TBCK: variants seen among roughly 807,000 people sequenced by gnomAD.
TBCK encodes TBC domain-containing protein kinase-like protein.
In TBCK, 99 loss-of-function variants were observed where a neutral mutation model predicts 113.4. The observed-to-expected ratio is 0.87, with a 90% CI of 0.74 to 1.03. TBCK has a LOEUF of 1.03. TBCK is among the 50% of genes least tolerant of loss of function. The pLI, the probability that TBCK is intolerant of heterozygous loss-of-function variation, is 0.00. For synonymous variants in TBCK, 369 were observed against 370.8 expected (o/e 1.00, Z 0.05); for missense variants, 1,045 against 1,061.3 (o/e 0.98, Z 0.21).
At chr4:106,066,472 G>T (rs962355125) in intron 25 of TBCK, among the ~76,000 whole-genome samples, 13 of 151,532 alleles carry the variant, frequency 8.6e-5, no homozygotes, top group African/African-American at 3.1e-4. Context: ...GTGATATTAG[G>T]GTAGCCTGAA....
At chr4:106,164,244 G>T (rs950729705) in intron 23 of TBCK, 1 of 151,914 alleles carries the variant, frequency 6.6e-6, no homozygotes, top group African/African-American at 2.4e-5. Flanking sequence ...AAAAAGAACA[G>T]ATGCAAAGCT....
chr4:106,289,793 A>G (rs2125824254), intron 3 of TBCK, among the ~76,000 whole-genome samples: 1 of 151,144 alleles, frequency 6.6e-6, no homozygotes, highest in East Asian at 1.9e-4. Flanking sequence ...AAAAAAAAAG[A>G]CGATTGATGT....
chr4:106,079,323 G>A (rs1738592023), intron 25 of TBCK, among the ~76,000 whole-genome samples: 2 of 152,130 alleles, frequency 1.3e-5, no homozygotes, highest in African/African-American at 4.8e-5. Context: ...GTCTTAGCCA[G>A]GGCAATCAGG....
At chr4:106,313,452 C>T (rs1325787353) in intron 1 of TBCK, among the ~76,000 whole-genome samples, 2 of 152,044 alleles carry the variant, frequency 1.3e-5, no homozygotes, top group East Asian at 3.9e-4. Context: ...TATATACAGC[C>T]AAATTATCAG....
chr4:106,140,165 G>C lies in TBCK; in HGVS notation c.2236-23787C>G, dbSNP rs900485377. On this transcript the variant is annotated intron_variant, in intron 23 of 25. Coordinates refer to ENST00000394708, the MANE Select transcript of TBCK (RefSeq NM_001163435.3). ...TAATATGCAATAAAAGGTAATCTAA[G>C]ACAAGAAAAAGTATTTGATAAATGG... Among the ~76,000 whole-genome samples the C allele has an allele frequency of 7.8e-5, 11 of 140,528 alleles. 2 individuals carry two copies. The highest frequency in any genetic ancestry group is 1.5e-4 in the Non-Finnish European group (9 of 61,812). The allele number at this position is 140,528 out of a possible 152,430, so 92.2% of individuals were successfully genotyped here. A position where few individuals can be genotyped will look rare whatever the true frequency, so the allele number is the denominator to read the frequency against.
chr4:106,281,168 T>A (rs1393390082), intron 3 of TBCK, among the ~76,000 whole-genome samples: 2 of 152,126 alleles, frequency 1.3e-5, no homozygotes, highest in Non-Finnish European at 2.9e-5. Flanking sequence ...ATTTTATTTG[T>A]AGCTATTATA....
intron 3 of TBCK, among the ~76,000 whole-genome samples, chr4:106,294,278 C>T (rs929977075): frequency 6.6e-6 from 1 of 151,844 alleles, no homozygotes; most frequent in African/African-American, 2.4e-5. Flanking sequence ...CAACCTCCGC[C>T]CCGCGGGTTC....
intron 25 of TBCK, among the ~76,000 whole-genome samples, chr4:106,053,629 C>T (rs936483053): frequency 1.3e-5 from 2 of 151,802 alleles, no homozygotes; most frequent in Non-Finnish European, 3.0e-5. Context: ...CCTATCTATA[C>T]ACTGATGACT....
At chr4:106,117,024 C>T (rs1743598279) in intron 23 of TBCK, among the ~76,000 whole-genome samples, 1 of 152,092 alleles carries the variant, frequency 6.6e-6, no homozygotes, top group Non-Finnish European at 1.5e-5. Flanking sequence ...TCTAGGAAAC[C>T]AGTCCCTGGT....
intron 25 of TBCK, among the ~76,000 whole-genome samples, chr4:106,063,168 A>G (rs888727479): frequency 9.2e-5 from 14 of 151,990 alleles, no homozygotes; most frequent in African/African-American, 3.1e-4. Context: ...ATATAAACCT[A>G]CAGACTAAAA....
chr4:106,273,471 T>C (rs1763713083), intron 3 of TBCK, among the ~76,000 whole-genome samples: 1 of 152,250 alleles, frequency 6.6e-6, no homozygotes, highest in Admixed American at 6.5e-5. Context: ...ATTTGCTGGT[T>C]AGCTTGTCTG....
At chr4:106,214,808 A>G (rs1343133567) in intron 19 of TBCK, among the ~76,000 whole-genome samples, 11 of 151,852 alleles carry the variant, frequency 7.2e-5, no homozygotes, top group Non-Finnish European at 1.6e-4. Context: ...ATTATCCAGG[A>G]GAATTTCCCC....
At chr4:106,137,021 C>T (rs149416870) in intron 23 of TBCK, among the ~76,000 whole-genome samples, 1 of 140,596 alleles carries the variant, frequency 7.1e-6, no homozygotes, top group African/African-American at 2.5e-5. Context: ...AAGATATTAA[C>T]AGTGACAGAT....
intron 25 of TBCK, among the ~76,000 whole-genome samples, chr4:106,078,218 C>T (rs531731700): frequency 6.6e-6 from 1 of 152,104 alleles, no homozygotes; most frequent in South Asian, 2.1e-4. Context: ...TGCATTATAC[C>T]TCGAGGAACT....
At chr4:106,221,973 A>C (rs952330983) in intron 19 of TBCK, among the ~76,000 whole-genome samples, 9 of 152,262 alleles carry the variant, frequency 5.9e-5, no homozygotes, top group South Asian at 4.1e-4. Flanking sequence ...AAAGTTAAAA[A>C]AAATCTGTAA....
chr4:106,229,474 T>A (rs1758612899), intron 19 of TBCK, among the ~76,000 whole-genome samples: 1 of 152,084 alleles, frequency 6.6e-6, no homozygotes, highest in South Asian at 2.1e-4. Context: ...AAGATCTAAT[T>A]TCCTCAGAAC....
chr4:106,126,796 A>G (rs1173406463), intron 23 of TBCK, among the ~76,000 whole-genome samples: 1 of 152,228 alleles, frequency 6.6e-6, no homozygotes, highest in African/African-American at 2.4e-5. Flanking sequence ...AATAAAGAAC[A>G]CTAAAATGTA....
chr4:106,085,389 A>G (rs1739381015), intron 25 of TBCK, among the ~76,000 whole-genome samples: 1 of 152,238 alleles, frequency 6.6e-6, no homozygotes, highest in African/African-American at 2.4e-5. Context: ...ACACAATGGT[A>G]AAGGGAACAA....
At chr4:106,214,424 G>C (rs994697251) in intron 19 of TBCK, among the ~76,000 whole-genome samples, 2 of 151,896 alleles carry the variant, frequency 1.3e-5, no homozygotes, top group African/African-American at 4.8e-5. Flanking sequence ...TCTGAGCTAC[G>C]GGAGGACATT....
Sources: allele counts gnomAD v4.1 joint callset (sites outside exome capture counted in the v4.1 genomes callset), GRCh38; gene constraint gnomAD v4.1.1; transcripts MANE v1.5; gene names NCBI Gene and HGNC (gene_info 2026-07-23, HGNC 2026-07-21).